Variants in LRRC49 observed in about 807,000 individuals in gnomAD.
LRRC49 encodes leucine-rich repeat-containing protein 49.
In LRRC49, 50 loss-of-function variants were observed where a neutral mutation model predicts 83.3. The observed-to-expected ratio is 0.60, with a 90% CI of 0.48 to 0.76. The LOEUF is 0.76. Ranked by LOEUF, LRRC49 falls within the 30% of genes least tolerant of loss-of-function variation. The pLI, the probability that LRRC49 is intolerant of heterozygous loss-of-function variation, is 0.00. For synonymous variants in LRRC49, 286 were observed against 283.3 expected (o/e 1.01, Z -0.10); for missense variants, 704 against 809.1 (o/e 0.87, Z 1.58).
intron 9 of LRRC49, among the ~76,000 whole-genome samples, chr15:70,972,077 G>T (rs1003785103): frequency 6.6e-6 from 1 of 152,076 alleles, no homozygotes; most frequent in African/African-American, 2.4e-5. Context: ...TCTTCATAGT[G>T]TCGATGGTCT....
intron 11 of LRRC49, among the ~76,000 whole-genome samples, chr15:70,997,455 A>G (rs2038111565): frequency 6.7e-6 from 1 of 149,082 alleles, no homozygotes; most frequent in Non-Finnish European, 1.5e-5. Context: ...TTGGAGCTTT[A>G]AAAAAAAAAT....
intron 1 of LRRC49, 63 bp downstream of exon 1, chr15:70,893,005 T>A (rs773780785): frequency 1.3e-6 from 2 of 1,561,716 alleles, no homozygotes; most frequent in Non-Finnish European, 8.8e-7. Flanking sequence ...GGCGTCTTTG[T>A]CCTAGGAGAT....
intron 6 of LRRC49, among the ~76,000 whole-genome samples, chr15:70,914,124 A>G (rs1366359852): frequency 1.3e-5 from 2 of 152,040 alleles, no homozygotes; most frequent in Non-Finnish European, 2.9e-5. Flanking sequence ...AAAGTTTTAA[A>G]TGAAAATCTG....
intron 2 of LRRC49, chr15:70,882,253 A>G: frequency 2.2e-6 from 1 of 449,560 alleles, no homozygotes. Flanking sequence ...AGGTGAAAGT[A>G]GAGAATAGGG....
chr15:70,989,052 C>T (rs1017956824), intron 11 of LRRC49, among the ~76,000 whole-genome samples: 3 of 152,190 alleles, frequency 2.0e-5, no homozygotes, highest in South Asian at 2.1e-4. Context: ...TGACCTTTCT[C>T]TCTGGCTGTG....
intron 8 of LRRC49, among the ~76,000 whole-genome samples, chr15:70,955,495 A>G (rs141964699): frequency 0.015 from 2,287 of 152,294 alleles, 29 homozygotes; most frequent in Non-Finnish European, 0.02. Context: ...TCCAGTTTTG[A>G]GGGTCTTGCT....
At chr15:70,943,716 T>C (rs986630451) in intron 8 of LRRC49, among the ~76,000 whole-genome samples, 1 of 152,230 alleles carries the variant, frequency 6.6e-6, no homozygotes, top group African/African-American at 2.4e-5. Flanking sequence ...TGCACATGCT[T>C]GAGCCCACTT....
chr15:70,948,892 G>A (rs1321687769), intron 8 of LRRC49, among the ~76,000 whole-genome samples: 1 of 152,060 alleles, frequency 6.6e-6, no homozygotes, highest in Non-Finnish European at 1.5e-5. Flanking sequence ...AACTTAAATT[G>A]GTATCATATA....
intron 8 of LRRC49, among the ~76,000 whole-genome samples, chr15:70,958,210 C>T (rs879871024): frequency 6.6e-6 from 1 of 152,164 alleles, no homozygotes; most frequent in Non-Finnish European, 1.5e-5. Context: ...TCTGTTACCG[C>T]AATCTGCTTT....
intron 14 of LRRC49, among the ~76,000 whole-genome samples, chr15:71,013,224 C>T (rs549194034): frequency 1.3e-5 from 2 of 152,214 alleles, no homozygotes; most frequent in South Asian, 4.1e-4. Flanking sequence ...AAGGAGAAAA[C>T]ATTTTATCTA....
chr15:70,883,675 GTCTCCC>G (rs1426567912), intron 2 of LRRC49, among the ~76,000 whole-genome samples: 1 of 149,920 alleles, frequency 6.7e-6, no homozygotes, highest in African/African-American at 2.5e-5. Context: ...TGAGACAGGG[GTCTCCC>G]TCTGTCACCC....
intron 6 of LRRC49, among the ~76,000 whole-genome samples, chr15:70,917,301 C>T (rs2034821215): frequency 6.6e-6 from 1 of 152,234 alleles, no homozygotes; most frequent in Non-Finnish European, 1.5e-5. Flanking sequence ...CAGACTGCCA[C>T]TCCCACCGAC....
rs758258194 is a variant in LRRC49 at position 71,012,881 on chromosome 15, G to T, written c.1671G>T (p.Gln557His). 8 of 1,612,558 alleles carry T rather than the reference G, an allele frequency of 5.0e-6. No homozygotes were observed. In the South Asian group the frequency reaches 7.7e-5, roughly 16 times the overall value. The change falls in exon 14 of 16, where the codon CAG becomes CAT. Residue 557 changes from glutamine to histidine, a missense_variant. By Grantham distance (24) the Gln-to-His change is conservative. Coordinates refer to ENST00000260382, the MANE Select transcript of LRRC49 (RefSeq NM_017691.5). ...LAHVASSELPQYRLISILGDA... is the reference protein window; with the variant it reads ...LAHVASSELPHYRLISILGDA... ...ATGTAGCATCTTCTGAGTTACCCCAGTATCGTCTGATTTCCATTCTGGGTG... is the reference window on the plus strand; with the variant it reads ...ATGTAGCATCTTCTGAGTTACCCCATTATCGTCTGATTTCCATTCTGGGTG...
At position 70,985,119 on chromosome 15, in the gene LRRC49, A is replaced by T. The variant is rs1307652845; in HGVS notation, c.1169+862A>T. On this transcript the variant is annotated intron_variant, in intron 11 of 15. Transcript: ENST00000260382. ...GTGCATGTGTCTTTATAGCAGCATG[A>T]TTTATAGTCCTTTGGGTGTATACCC... Among the ~76,000 whole-genome samples the T allele has an allele frequency of 7.5e-3, 1,115 of 148,966 alleles. 20 individuals are homozygous for T. Among genetic ancestry groups the T allele is most frequent in the African/African-American group, 0.025 (1,023 of 40,176 alleles).
chr15:70,979,763 G>C (rs2141220675), intron 9 of LRRC49, among the ~76,000 whole-genome samples: 1 of 152,160 alleles, frequency 6.6e-6, no homozygotes, highest in Non-Finnish European at 1.5e-5. Flanking sequence ...CTTGATGATA[G>C]AAAGTTTAAA....
chr15:70,892,406 T>C (rs1820509474), upstream of LRRC49: 1 of 1,540,694 alleles, frequency 6.5e-7, no homozygotes, highest in Admixed American at 2.0e-5. Flanking sequence ...TTTCCTTCCC[T>C]ACCTCTGGTC....
chr15:70,885,974 T>C (rs1335709701), intron 2 of LRRC49, among the ~76,000 whole-genome samples: 2 of 152,162 alleles, frequency 1.3e-5, no homozygotes, highest in Non-Finnish European at 2.9e-5. Context: ...GTCCATATAT[T>C]GCATTTTCTC....
intron 5 of LRRC49, 82 bp downstream of exon 5, chr15:70,904,837 C>T (rs578105052): frequency 1.9e-6 from 2 of 1,038,920 alleles, no homozygotes; most frequent in Admixed American, 2.5e-5. Context: ...TTGAATAATA[C>T]TTAAGAAATG....
intron 1 of LRRC49, among the ~76,000 whole-genome samples, chr15:70,857,676 C>G (rs535612963): frequency 4.6e-5 from 7 of 152,250 alleles, no homozygotes; most frequent in South Asian, 2.1e-4. Flanking sequence ...GGAAAGACAG[C>G]CTTCAATAAT....
Sources: gnomAD v4.1 joint callset for allele counts (sites outside exome capture counted in the v4.1 genomes callset) on GRCh38, gnomAD v4.1.1 for gene constraint, MANE v1.5 for transcripts, NCBI Gene and HGNC (gene_info 2026-07-23, HGNC 2026-07-21) for gene names.